DMD: variants seen among roughly 807,000 people sequenced by gnomAD.
DMD encodes the protein mutant dystrophin.
A neutral mutation model predicts 330.1 loss-of-function variants in DMD; 63 were observed. The observed-to-expected ratio is 0.19, with a 90% confidence interval of 0.16 to 0.24. The LOEUF (loss-of-function observed/expected upper bound fraction) is 0.24. Ranked by LOEUF, DMD falls within the 10% of genes least tolerant of loss-of-function variation. DMD has a pLI of 1.00. For missense variants in DMD, 3,344 were observed against 2,684.1 expected (o/e 1.25, Z -5.43); for synonymous variants, 1,223 against 959.8 (o/e 1.27, Z -5.07).
chrX:32,630,759 C>G (rs1345640883), intron 11 of DMD, among the ~76,000 whole-genome samples: 2 of 111,758 alleles, frequency 1.8e-5, no homozygotes, highest in Non-Finnish European at 3.8e-5. Flanking sequence ...TGAGCATCCT[C>G]AAATCAGCCA....
intron 43 of DMD, among the ~76,000 whole-genome samples, chrX:32,280,169 A>ATATATATATATACAG (rs2097414120): frequency 4.2e-5 from 2 of 47,232 alleles, no homozygotes; most frequent in African/African-American, 1.6e-4. Flanking sequence ...TATACAGTAT[A>ATATATATATATACAG]TATATATATA....
intron 63 of DMD, among the ~76,000 whole-genome samples, chrX:31,245,310 T>C (rs2048725185): frequency 8.9e-6 from 1 of 111,948 alleles, no homozygotes; most frequent in Non-Finnish European, 1.9e-5. Context: ...AAAACCCTCA[T>C]CTGTATCTTT....
chrX:33,197,052 C>A (rs143956294), intron 1 of DMD, among the ~76,000 whole-genome samples: 1,137 of 111,242 alleles, frequency 0.01, 13 homozygotes, highest in African/African-American at 0.035. Context: ...TTTATTCAAT[C>A]AGTGATGCAC....
chrX:32,905,805 G>A (rs939717741), intron 2 of DMD, among the ~76,000 whole-genome samples: 11 of 111,088 alleles, frequency 9.9e-5, no homozygotes, highest in Non-Finnish European at 1.5e-4. Flanking sequence ...ATTATTACAT[G>A]TTTAGCAACA....
At chrX:32,621,884 G>C (rs1241434434) in intron 11 of DMD, among the ~76,000 whole-genome samples, 1 of 111,306 alleles carries the variant, frequency 9.0e-6, no homozygotes, top group Non-Finnish European at 1.9e-5. Flanking sequence ...TTCAAAACTT[G>C]CTAGAAGTGT....
At chrX:31,240,859 C>T (rs2048194653) in intron 63 of DMD, among the ~76,000 whole-genome samples, 1 of 111,541 alleles carries the variant, frequency 9.0e-6, no homozygotes, top group African/African-American at 3.3e-5. Flanking sequence ...AATTCAAATC[C>T]ATTTGACCCT....
intron 44 of DMD, among the ~76,000 whole-genome samples, chrX:31,998,959 G>A (rs969704754): frequency 9.0e-6 from 1 of 111,475 alleles, no homozygotes; most frequent in Admixed American, 9.5e-5. Flanking sequence ...TCCATACACT[G>A]GAGACATGAT....
intron 44 of DMD, among the ~76,000 whole-genome samples, chrX:32,190,248 T>A (rs1004694666): frequency 1.8e-5 from 2 of 110,555 alleles, no homozygotes; most frequent in African/African-American, 6.6e-5. Flanking sequence ...AGATCAATTG[T>A]CATCTTCTGA....
At chrX:32,713,898 C>A (rs113390918) in intron 7 of DMD, among the ~76,000 whole-genome samples, 6,440 of 111,519 alleles carry the variant, frequency 0.058, 438 homozygotes, top group African/African-American at 0.2. Flanking sequence ...AATATTATAG[C>A]TTAGCCTAGC....
intron 44 of DMD, among the ~76,000 whole-genome samples, chrX:32,035,841 A>G (rs985059227): frequency 1.0e-5 from 1 of 97,122 alleles, no homozygotes; most frequent in Non-Finnish European, 1.9e-5. Context: ...TGTCCCAACG[A>G]AAAAAACAAC....
At chrX:32,899,394 G>A (rs1043475451) in intron 2 of DMD, among the ~76,000 whole-genome samples, 10 of 110,074 alleles carry the variant, frequency 9.1e-5, no homozygotes, top group African/African-American at 3.3e-4. Flanking sequence ...TTAATTCTAC[G>A]GCCGGGTGCG....
chrX:31,224,215 C>T (rs1319186441), intron 63 of DMD, among the ~76,000 whole-genome samples: 1 of 111,492 alleles, frequency 9.0e-6, no homozygotes, highest in Non-Finnish European at 1.9e-5. Flanking sequence ...GATCATGGAC[C>T]GACTGACCAA....
chrX:32,781,821 T>G (rs1407705272), intron 7 of DMD, among the ~76,000 whole-genome samples: 2 of 111,323 alleles, frequency 1.8e-5, no homozygotes, highest in East Asian at 5.6e-4. Context: ...GAATGCTCAC[T>G]AAAGATTTTA....
intron 2 of DMD, among the ~76,000 whole-genome samples, chrX:32,896,721 G>A (rs180823105): frequency 1.2e-3 from 133 of 112,528 alleles, no homozygotes; most frequent in African/African-American, 4.2e-3. Flanking sequence ...AACTAAACAT[G>A]TCTCATTTTA....
chrX:33,009,974 G>GTACATGTGTA (rs1557207756), intron 2 of DMD, among the ~76,000 whole-genome samples: 3 of 51,818 alleles, frequency 5.8e-5, no homozygotes, highest in African/African-American at 2.0e-4. Context: ...ACATATGTGT[G>GTACATGTGTA]TATACACATG....
chrX:31,198,264 G>C (rs1336506667), intron 67 of DMD, among the ~76,000 whole-genome samples: 1 of 111,733 alleles, frequency 8.9e-6, no homozygotes, highest in Non-Finnish European at 1.9e-5. Flanking sequence ...TTGGAGTGTA[G>C]TGACTATTCA....
Position 32,595,829 on chromosome X carries a change from G to A in DMD, c.1530C>T (p.Leu510=). 2 of 1,201,794 alleles carry A rather than the reference G, an allele frequency of 1.7e-6. No homozygotes were observed. The highest frequency in any genetic ancestry group is 2.3e-6 in the Non-Finnish European group (2 of 886,401). The change falls in exon 13 of 79, where the codon CTC becomes CTT. Residue 510 remains leucine, a synonymous_variant. Transcript: ENST00000357033. ...LEQEQVRVNS[L]THMVVVVDES... is the part of the protein sequence containing the mutation. ...CATCAACTACCACCACCATGTGAGTGAGAGAATTGACCCTGACTTGTTCTT... is the reference window on the plus strand; with the variant it reads ...CATCAACTACCACCACCATGTGAGTAAGAGAATTGACCCTGACTTGTTCTT...
intron 61 of DMD, among the ~76,000 whole-genome samples, chrX:31,345,462 A>G (rs1038122019): frequency 2.7e-5 from 3 of 111,987 alleles, no homozygotes; most frequent in Non-Finnish European, 5.6e-5. Context: ...TGAGTATATC[A>G]TTTTCTGAAA....
chrX:31,308,386 C>T lies in DMD; in HGVS notation c.9224+15212G>A, dbSNP rs941811319. Among the ~76,000 whole-genome samples the T allele has an allele frequency of 3.6e-5, 4 of 111,516 alleles. No homozygotes were observed. In the East Asian group the frequency reaches 1.1e-3, roughly 31 times the overall value. ...ATTTATAGTTTATAGCATAATCTAG[C>T]CAGGCAATCAACCCCATCAACACTC... is the stretch of plus-strand genomic sequence containing the variant. On this transcript the variant is annotated intron_variant, in intron 62 of 78. Coordinates refer to ENST00000357033, the MANE Select transcript of DMD (RefSeq NM_004006.3).
Sources: gnomAD v4.1 joint callset for allele counts (sites outside exome capture counted in the v4.1 genomes callset) on GRCh38, gnomAD v4.1.1 for gene constraint, MANE v1.5 for transcripts, NCBI Gene and HGNC (gene_info 2026-07-23, HGNC 2026-07-21) for gene names.